PYGL: variants seen among roughly 807,000 people sequenced by gnomAD.
PYGL encodes glycogen phosphorylase, liver form.
A neutral mutation model predicts 100.1 loss-of-function variants in PYGL; 90 were observed. The observed-to-expected ratio is 0.90, with a 90% CI of 0.76 to 1.07. The LOEUF (loss-of-function observed/expected upper bound fraction) is 1.07. Among genes scored for constraint, PYGL ranks in the 50% least tolerant of loss-of-function variants. The pLI, the probability that PYGL is intolerant of heterozygous loss-of-function variation, is 0.00. For synonymous variants in PYGL, 373 were observed against 393.0 expected (o/e 0.95, Z 0.60); for missense variants, 1,016 against 1,057.6 (o/e 0.96, Z 0.55).
intron 19 of PYGL, among the ~76,000 whole-genome samples, chr14:50,907,816 C>T (rs933321537): frequency 2.0e-5 from 3 of 151,952 alleles, no homozygotes; most frequent in Non-Finnish European, 2.9e-5. Flanking sequence ...GAGGCAGAGG[C>T]GGGTGAATCA....
intron 2 of PYGL, among the ~76,000 whole-genome samples, chr14:50,937,489 G>T (rs2050663392): frequency 6.6e-6 from 1 of 152,204 alleles, no homozygotes; most frequent in Non-Finnish European, 1.5e-5. Context: ...GAGGAATGCT[G>T]TCAAAGACTT....
At chr14:50,916,530 G>A (rs1391987959) in intron 9 of PYGL, 112 bp downstream of exon 9, 2 of 987,902 alleles carry the variant, frequency 2.0e-6, no homozygotes, top group East Asian at 4.9e-5. Flanking sequence ...TTTAACTGTT[G>A]AAAGTTAGCA....
chr14:50,933,564 AAAT>A (rs1305647083), intron 3 of PYGL, among the ~76,000 whole-genome samples: 1 of 152,210 alleles, frequency 6.6e-6, no homozygotes, highest in African/African-American at 2.4e-5. Flanking sequence ...TAAATTTCAC[AAAT>A]AATACATTAA....
At chr14:50,922,095 A>T (rs184659458) in intron 5 of PYGL, among the ~76,000 whole-genome samples, 22 of 152,326 alleles carry the variant, frequency 1.4e-4, no homozygotes, top group Admixed American at 4.6e-4. Context: ...TCAAGTGAGA[A>T]ATCATTCATT....
In PYGL at chr14:50,937,605, T is replaced by A. The variant is rs916347440; in HGVS notation, c.345+131A>T. 2.4e-5 allele frequency: 20 copies of A among 838,012 alleles called. No individual in the cohort carries two copies. In the African/African-American group the frequency reaches 3.4e-4, roughly 14 times the overall value. 51.9% of individuals were successfully genotyped at this position (838,012 alleles called of 1,614,324 possible). A position where few individuals can be genotyped will look rare whatever the true frequency, so the allele number is the denominator to read the frequency against. ...AGTGATGTATATTTCTAAAAGTTTG[T>A]AATAGCCACATCTATAGAGGCGATT... On this transcript the variant is annotated intron_variant, in intron 2 of 19. Coordinates refer to ENST00000216392, the MANE Select transcript of PYGL (RefSeq NM_002863.5).
In PYGL at chr14:50,924,065, G is replaced by T; in HGVS notation, c.564C>A (p.Asn188Lys). The change falls in exon 5 of 20, where the codon AAC (asparagine) becomes AAA (lysine). Residue 188 changes from asparagine (N) to lysine (K), a missense_variant. Transcript: ENST00000216392. ...ATTCTGGGCGGGACTTCTCCCAAGGGTTTCCATATCTGAGCCAATCATCTG... is the reference window on the plus strand; with the variant it reads ...ATTCTGGGCGGGACTTCTCCCAAGGTTTTCCATATCTGAGCCAATCATCTG... ...EEADDWLRYG[N>K]PWEKSRPEFM... The T allele has an allele frequency of 6.2e-7, 1 of 1,613,782 alleles. No homozygotes were observed. The highest frequency in any genetic ancestry group is 8.5e-7 in the Non-Finnish European group (1 of 1,179,748).
At position 50,912,018 on chromosome 14, in the gene PYGL, T is replaced by C; in HGVS notation, c.1787A>G (p.Lys596Arg). The C allele has an allele frequency of 1.9e-6, 3 of 1,614,022 alleles. No homozygotes were observed. Among genetic ancestry groups the C allele is most frequent in the Non-Finnish European group, 2.5e-6 (3 of 1,179,884 alleles). ...AACTGTCCTTGGCACGAATAACTTC[T>C]TAGGGTCTTTCTTAATGCCTGAAAA... ...TMYNRIKKDP[K>R]KLFVPRTVII... is the part of the protein sequence containing the mutation. Residue 596 changes from lysine to arginine, a missense_variant, in exon 15 of 20, where the codon AAG becomes AGG. Transcript: ENST00000216392.
intron 9 of PYGL, 31 bp downstream of exon 9, chr14:50,916,611 T>C: frequency 1.3e-6 from 2 of 1,567,392 alleles, no homozygotes; most frequent in Non-Finnish European, 1.8e-6. Flanking sequence ...TTCTGGTTAA[T>C]TAAAGGAAAA....
chr14:50,911,135 T>C (rs1032458813), intron 16 of PYGL, among the ~76,000 whole-genome samples: 1 of 152,206 alleles, frequency 6.6e-6, no homozygotes, highest in African/African-American at 2.4e-5. Context: ...TGGATGGTGC[T>C]CTGTGAGCTT....
At chr14:50,921,741 A>G (rs1177312945) in intron 5 of PYGL, among the ~76,000 whole-genome samples, 5 of 152,228 alleles carry the variant, frequency 3.3e-5, no homozygotes, top group Non-Finnish European at 7.3e-5. Context: ...AAAATATGAT[A>G]TGCAAACAAA....
In PYGL at chr14:50,908,311, G is replaced by T. The variant is rs780433876; in HGVS notation, c.2339C>A (p.Ala780Asp). The stretch of plus-strand genomic sequence containing the variant: ...CACTTTATCTTGACACTTGACATAG[G>T]CTTCGTAGTCTGCAAAGACTTTAAA... ...DRFKVFADYE[A>D]YVKCQDKVSQ... Residue 780 changes from alanine to aspartate, a missense_variant, in exon 19 of 20, where the codon GCC (alanine) becomes GAC (aspartate). Coordinates refer to ENST00000216392, the MANE Select transcript of PYGL (RefSeq NM_002863.5). 6.2e-7 allele frequency: 1 copy of T among 1,604,832 alleles called. No individual in the cohort carries two copies. The highest frequency in any genetic ancestry group is 8.5e-7 in the Non-Finnish European group (1 of 1,171,776).
intron 11 of PYGL, 128 bp from the exon 12 acceptor site, chr14:50,914,943 G>T: frequency 1.4e-6 from 1 of 736,974 alleles, no homozygotes; most frequent in Non-Finnish European, 2.4e-6. Flanking sequence ...AAGGTGGAGG[G>T]ACAGGCTGAC....
At chr14:50,937,946 C>T (rs1254153181) in intron 1 of PYGL, 109 bp from the exon 2 acceptor site, 1 of 983,560 alleles carries the variant, frequency 1.0e-6, no homozygotes, top group Non-Finnish European at 1.6e-6. Flanking sequence ...ACAGGCAGGA[C>T]TATGTCACCA....
intron 17 of PYGL, 53 bp downstream of exon 17, chr14:50,909,842 C>A: frequency 6.3e-7 from 1 of 1,596,558 alleles, no homozygotes; most frequent in Admixed American, 1.7e-5. Flanking sequence ...AGGTCACATA[C>A]CTTCTAGGGG....
At chr14:50,937,638 C>G (rs746333364) in intron 2 of PYGL, 98 bp downstream of exon 2, 18 of 1,218,220 alleles carry the variant, frequency 1.5e-5, no homozygotes, top group Non-Finnish European at 2.2e-5. Flanking sequence ...ATTTTTCACT[C>G]TTATTTTACT....
At chr14:50,923,622 C>T (rs2050520476) in intron 5 of PYGL, 2 of 195,680 alleles carry the variant, frequency 1.0e-5, no homozygotes, top group African/African-American at 5.1e-5. Flanking sequence ...ATTTTGCTAT[C>T]AACACCTTAA....
rs753295015 is a variant in PYGL, at chr14:50,908,942, C to T, written c.2191G>A (p.Glu731Lys). 8.1e-7 allele frequency: 1 copy of T among 1,230,616 alleles called. No individual in the cohort carries two copies. Among genetic ancestry groups the T allele is most frequent in the East Asian group, 3.1e-5 (1 of 32,022 alleles). The allele number at this position is 1,230,616 out of a possible 1,614,324, so 76.2% of individuals were successfully genotyped here. The change falls in exon 18 of 20, where the codon GAA becomes AAA. Residue 731 changes from glutamate (E) to lysine (K), a missense_variant. Physicochemically the swap from Glu to Lys is moderately conservative, Grantham distance 56. Coordinates refer to ENST00000216392, the MANE Select transcript of PYGL (RefSeq NM_002863.5). Reference sequence around the variant, plus strand: ...AGCTCTGGAAGTGCCTCATAGTATTCTTTTGCCTCGTACCTGTGGGGTAGG... The same window carrying T: ...AGCTCTGGAAGTGCCTCATAGTATTTTTTTGCCTCGTACCTGTGGGGTAGG... Reference protein sequence around the residue: ...ALDKKGYEAKEYYEALPELKL... With the variant: ...ALDKKGYEAKKYYEALPELKL...
rs1288761718 is a variant in PYGL, at chr14:50,905,503, T to C, written c.2433A>G (p.Lys811=). Residue 811 remains lysine (K), a synonymous_variant, in exon 20 of 20, where the codon AAA becomes AAG. Transcript: ENST00000216392. ...CTTTAATTGTTCGGTCACTGGAGAA[T>C]TTCCCCGAGGCAGCTATGTTTTTGA... ...MVLKNIAASG[K]FSSDRTIKEY... is the part of the protein sequence containing the mutation. 6.2e-7 allele frequency: 1 copy of C among 1,614,062 alleles called. No individual in the cohort carries two copies. Among genetic ancestry groups the C allele is most frequent in the East Asian group, 2.2e-5 (1 of 44,878 alleles).
Position 50,908,360 on chromosome 14 carries a change from G to A in PYGL, c.2313-23C>T. The A allele has an allele frequency of 3.9e-6, 6 of 1,546,576 alleles. No individual in the cohort carries two copies. The Middle Eastern group carries it at 1.0e-3, about 261-fold the overall frequency. On this transcript the variant is annotated intron_variant, in intron 18 of 19. Transcript: ENST00000216392. The stretch of plus-strand genomic sequence containing the variant: ...AACCTTTTATTTTGTGAGTGGAAGA[G>A]GAAAAAAACAGTCAAAATCTTCATT...
Sources: allele counts gnomAD v4.1 joint callset (sites outside exome capture counted in the v4.1 genomes callset), GRCh38; gene constraint gnomAD v4.1.1; transcripts MANE v1.5; gene names NCBI Gene and HGNC (gene_info 2026-07-23, HGNC 2026-07-21).